SPRY3: variants seen among roughly 807,000 people sequenced by gnomAD.
SPRY3 encodes the protein sprouty RTK signaling antagonist 3.
A neutral mutation model predicts 20.2 loss-of-function variants in SPRY3; 15 were observed. The observed-to-expected ratio is 0.74, with a 90% CI of 0.50 to 1.14. The LOEUF is 1.14. Ranked by LOEUF, SPRY3 falls within the 50% of genes most tolerant of loss-of-function variation. The pLI is 0.00. For missense variants in SPRY3, 364 were observed against 363.9 expected (o/e 1.00, Z 0.00); for synonymous variants, 143 against 136.5 (o/e 1.05, Z -0.33).
At chrX:155,625,452 C>A (rs1374797552) in intron 1 of SPRY3, among the ~76,000 whole-genome samples, 1 of 111,610 alleles carries the variant, frequency 9.0e-6, no homozygotes, top group East Asian at 2.8e-4. Context: ...CCCCTGATAT[C>A]AAATATATAG....
At chrX:155,646,657 T>G (rs1403453974) in intron 1 of SPRY3, among the ~76,000 whole-genome samples, 4 of 112,204 alleles carry the variant, frequency 3.6e-5, no homozygotes, top group Non-Finnish European at 7.5e-5. Flanking sequence ...GCAACTTTAC[T>G]TAATTTCTTA....
chrX:155,688,148 T>C (rs760436575), intron 2 of SPRY3, among the ~76,000 whole-genome samples: 5 of 106,970 alleles, frequency 4.7e-5, no homozygotes, highest in African/African-American at 6.8e-5. Context: ...TGCTTTTCTG[T>C]TCCTGAGTTA....
At chrX:155,635,032 T>G (rs2067918663) in intron 1 of SPRY3, among the ~76,000 whole-genome samples, 1 of 109,309 alleles carries the variant, frequency 9.1e-6, no homozygotes, top group Admixed American at 9.8e-5. Flanking sequence ...TGCTCTCCCT[T>G]CCCCAGCTCC....
chrX:155,709,117 GC>G (rs1204912636), intron 2 of SPRY3, among the ~76,000 whole-genome samples: 1 of 151,656 alleles, frequency 6.6e-6, no homozygotes, highest in African/African-American at 2.4e-5. Context: ...TGTGAACAGT[GC>G]TGCAACAAAC....
chrX:155,769,610 T>G (rs1324475391), intron 3 of SPRY3, among the ~76,000 whole-genome samples: 4 of 152,204 alleles, frequency 2.6e-5, no homozygotes, highest in African/African-American at 7.2e-5. Context: ...GGATTAGATG[T>G]GAATTCATTT....
intron 2 of SPRY3, among the ~76,000 whole-genome samples, chrX:155,730,714 G>A (rs1293023494): frequency 3.3e-5 from 5 of 152,094 alleles, no homozygotes; most frequent in African/African-American, 9.7e-5. Flanking sequence ...AAAGGAGGAA[G>A]TTAAATTATC....
intron 2 of SPRY3, among the ~76,000 whole-genome samples, chrX:155,741,354 A>G (rs1435335803): frequency 6.6e-6 from 1 of 152,160 alleles, no homozygotes; most frequent in Non-Finnish European, 1.5e-5. Flanking sequence ...GGGATTATGT[A>G]AAAAGACTGA....
intron 2 of SPRY3, among the ~76,000 whole-genome samples, chrX:155,681,756 C>T (rs994664734): frequency 3.6e-5 from 4 of 112,356 alleles, no homozygotes; most frequent in African/African-American, 1.3e-4. Flanking sequence ...AAGCTGAAGC[C>T]TAATCCAGAG....
intron 1 of SPRY3, among the ~76,000 whole-genome samples, chrX:155,630,824 T>A (rs2067903848): frequency 8.9e-6 from 1 of 111,838 alleles, no homozygotes; most frequent in Non-Finnish European, 1.9e-5. Context: ...TTTCTCTTTC[T>A]CTTCCCCTTC....
intron 2 of SPRY3, among the ~76,000 whole-genome samples, chrX:155,697,345 T>C (rs935799678): frequency 6.4e-5 from 7 of 110,184 alleles, no homozygotes; most frequent in Non-Finnish European, 1.3e-4. Context: ...GACGGGAAGT[T>C]ACAGCCTCCT....
chrX:155,774,224 G>C, exon 4 of SPRY3: 12 of 1,613,964 alleles, frequency 7.4e-6, no homozygotes, highest in Non-Finnish European at 9.3e-6. Context: ...ACCCAACCTG[G>C]AGCAGGGGTC....
At chrX:155,767,555 G>C (rs1433092562) in intron 2 of SPRY3, among the ~76,000 whole-genome samples, 11 of 150,760 alleles carry the variant, frequency 7.3e-5, no homozygotes, top group Non-Finnish European at 1.3e-4. Flanking sequence ...GGAGGCGAAA[G>C]AGGAGGGGGA....
At chrX:155,717,549 C>A (rs1037718739) in intron 2 of SPRY3, among the ~76,000 whole-genome samples, 13 of 152,040 alleles carry the variant, frequency 8.6e-5, no homozygotes, top group Non-Finnish European at 1.9e-4. Context: ...AATGCTCTCC[C>A]TCCTCTTGCC....
chrX:155,713,584 T>C (rs2091001648), intron 2 of SPRY3, among the ~76,000 whole-genome samples: 1 of 152,166 alleles, frequency 6.6e-6, no homozygotes, highest in Non-Finnish European at 1.5e-5. Context: ...ATTGAAGCTC[T>C]ATCATATGAT....
intron 2 of SPRY3, among the ~76,000 whole-genome samples, chrX:155,687,221 C>A (rs1439131689): frequency 2.7e-5 from 3 of 112,597 alleles, no homozygotes; most frequent in African/African-American, 9.7e-5. Flanking sequence ...TCAACTTGCA[C>A]ATTACCCAGA....
intron 2 of SPRY3, among the ~76,000 whole-genome samples, chrX:155,687,958 G>A (rs2068092172): frequency 9.0e-6 from 1 of 110,941 alleles, no homozygotes; most frequent in Admixed American, 9.6e-5. Flanking sequence ...TGTGTGCCAT[G>A]GTGGTTTGCT....
At chrX:155,634,421 T>C (rs782043884) in intron 1 of SPRY3, among the ~76,000 whole-genome samples, 1 of 111,880 alleles carries the variant, frequency 8.9e-6, no homozygotes, top group Non-Finnish European at 1.9e-5. Flanking sequence ...ATGACATTGA[T>C]TCTTAATAAG....
At chrX:155,700,570 T>C in intron 2 of SPRY3, among the ~76,000 whole-genome samples, 1 of 100,773 alleles carries the variant, frequency 9.9e-6, no homozygotes, top group Non-Finnish European at 2.0e-5. Context: ...AAATGTGGCA[T>C]ATACACACAA....
intron 2 of SPRY3, among the ~76,000 whole-genome samples, chrX:155,666,522 C>A (rs1364790325): frequency 9.0e-6 from 1 of 110,802 alleles, no homozygotes. Context: ...AAGTTGATAA[C>A]AATGGGGAAG....
Sources: allele counts gnomAD v4.1 joint callset (sites outside exome capture counted in the v4.1 genomes callset), GRCh38; gene constraint gnomAD v4.1.1; transcripts MANE v1.5; gene names NCBI Gene and HGNC (gene_info 2026-07-23, HGNC 2026-07-21).